Variants in PARVA observed in about 807,000 individuals in gnomAD.
The protein encoded by PARVA is parvin alpha, also known as alpha-parvin.
Under a neutral mutation model 52.6 loss-of-function variants are expected in PARVA, and 25 were observed. That is an observed-to-expected ratio of 0.48 (90% CI 0.35 to 0.66). The LOEUF is 0.66. PARVA is among the 30% of genes least tolerant of loss of function. The pLI, the probability that PARVA is intolerant of heterozygous loss-of-function variation, is 0.01. For synonymous variants in PARVA, 185 were observed against 179.1 expected (o/e 1.03, Z -0.26); for missense variants, 373 against 450.9 (o/e 0.83, Z 1.56).
intron 4 of PARVA, among the ~76,000 whole-genome samples, chr11:12,492,716 T>C (rs1273378778): frequency 6.6e-6 from 1 of 152,112 alleles, no homozygotes. Context: ...CAGAGAATGC[T>C]GAAGACTCAA....
At chr11:12,508,521 T>C (rs1941464005) in intron 6 of PARVA, 63 bp from the exon 7 acceptor site, 10 of 1,117,150 alleles carry the variant, frequency 9.0e-6, no homozygotes, top group Non-Finnish European at 1.4e-5. Context: ...TCAGTGTTTC[T>C]GTATTTTTCT....
chr11:12,522,372 G>C (rs1941647252), intron 12 of PARVA, among the ~76,000 whole-genome samples: 1 of 150,800 alleles, frequency 6.6e-6, no homozygotes, highest in Admixed American at 6.6e-5. Context: ...CAATGATTTT[G>C]AAGCACTGAA....
At chr11:12,480,469 C>T (rs1941072378) in intron 4 of PARVA, 2 of 152,094 alleles carry the variant, frequency 1.3e-5, no homozygotes, top group South Asian at 4.1e-4. Flanking sequence ...GACATCTAGT[C>T]AGGATCTGAA....
chr11:12,392,558 C>T (rs909288276), intron 1 of PARVA, among the ~76,000 whole-genome samples: 2 of 152,164 alleles, frequency 1.3e-5, no homozygotes, highest in Non-Finnish European at 2.9e-5. Context: ...CATGAGCCAC[C>T]ATACCCTTCA....
At chr11:12,466,809 G>A (rs1940859885) in intron 1 of PARVA, among the ~76,000 whole-genome samples, 1 of 151,940 alleles carries the variant, frequency 6.6e-6, no homozygotes, top group South Asian at 2.1e-4. Context: ...TAGTAGTCTT[G>A]AAGTATGGTA....
At chr11:12,445,637 C>T (rs1176945688) in intron 1 of PARVA, among the ~76,000 whole-genome samples, 1 of 152,126 alleles carries the variant, frequency 6.6e-6, no homozygotes, top group Non-Finnish European at 1.5e-5. Context: ...ATTCTGCCTG[C>T]CCTCGTAAGG....
At chr11:12,524,680 C>G (rs1483228942) in intron 12 of PARVA, among the ~76,000 whole-genome samples, 1 of 152,208 alleles carries the variant, frequency 6.6e-6, no homozygotes. Flanking sequence ...ACCTCCTCGC[C>G]CTCTTGGGAG....
intron 1 of PARVA, among the ~76,000 whole-genome samples, chr11:12,473,156 G>T (rs1409863901): frequency 6.6e-6 from 1 of 152,116 alleles, no homozygotes; most frequent in Non-Finnish European, 1.5e-5. Context: ...CCATCTCAAG[G>T]GATAGGACCA....
At chr11:12,418,148 G>A (rs6485720) in intron 1 of PARVA, among the ~76,000 whole-genome samples, 88,780 of 152,156 alleles carry the variant, frequency 0.58, 26,390 homozygotes, top group African/African-American at 0.7. Flanking sequence ...GAAATTTTCT[G>A]AGGAAATCAG....
rs1941818404 is a variant in PARVA at position 12,535,097 on chromosome 11, T to C, written c.*7172T>C. Among the ~76,000 whole-genome samples, 2 of 152,250 alleles carry C rather than the reference T, an allele frequency of 1.3e-5. No individual in the cohort carries two copies. Among genetic ancestry groups the C allele is most frequent in the Non-Finnish European group, 2.9e-5 (2 of 68,042 alleles). ...CACTTGGGGCAGGGGGTGCATTCTC[T>C]GTGCCTCTCCTGAGTCTACTTTCTG... On this transcript the variant is annotated 3_prime_UTR_variant, in exon 13 of 13. Coordinates refer to ENST00000334956, the MANE Select transcript of PARVA (RefSeq NM_018222.5).
At position 12,517,564 on chromosome 11, in the gene PARVA, G is replaced by A. The variant is rs1215999958; in HGVS notation, c.868-46G>A. ...TGATGGGCCCCCTGGATGGGGATTG[G>A]CTGGGAGGCTCAGGGGCCAGTGCCA... On this transcript the variant is annotated intron_variant, in intron 10 of 12. Transcript: ENST00000334956. 5 of 1,386,910 alleles carry A rather than the reference G, an allele frequency of 3.6e-6. No individual in the cohort carries two copies. The South Asian group carries it at 6.2e-5, about 17-fold the overall frequency. 85.9% of individuals were successfully genotyped at this position (1,386,910 alleles called of 1,614,324 possible).
At chr11:12,446,969 A>G (rs766607830) in intron 1 of PARVA, among the ~76,000 whole-genome samples, 1 of 152,236 alleles carries the variant, frequency 6.6e-6, no homozygotes, top group Non-Finnish European at 1.5e-5. Flanking sequence ...CCCATACAGG[A>G]TGAGTAACTT....
intron 4 of PARVA, among the ~76,000 whole-genome samples, chr11:12,487,724 G>GT (rs1269056872): frequency 2.6e-5 from 4 of 152,108 alleles, no homozygotes; most frequent in African/African-American, 9.7e-5. Flanking sequence ...TTAGATGAAA[G>GT]TTTTTTATTA....
intron 5 of PARVA, among the ~76,000 whole-genome samples, chr11:12,499,628 C>T (rs930173310): frequency 5.3e-5 from 8 of 151,620 alleles, no homozygotes; most frequent in African/African-American, 1.5e-4. Flanking sequence ...CTTTTATTCC[C>T]ATGTTACAGA....
At chr11:12,380,876 T>C (rs760982207) in intron 1 of PARVA, among the ~76,000 whole-genome samples, 2 of 152,230 alleles carry the variant, frequency 1.3e-5, no homozygotes, top group Non-Finnish European at 2.9e-5. Flanking sequence ...GACATTTTTA[T>C]ATTTGTTGCT....
At chr11:12,509,377 C>T (rs941748885) in intron 7 of PARVA, among the ~76,000 whole-genome samples, 2 of 152,198 alleles carry the variant, frequency 1.3e-5, no homozygotes, top group African/African-American at 2.4e-5. Context: ...ACTTACTCAC[C>T]AGGTGAGTCC....
intron 5 of PARVA, among the ~76,000 whole-genome samples, chr11:12,502,251 A>G (rs1443600078): frequency 6.6e-6 from 1 of 152,314 alleles, no homozygotes; most frequent in East Asian, 1.9e-4. Context: ...AGTAGCAGTG[A>G]TAACCAGAAA....
At position 12,473,774 on chromosome 11, in the gene PARVA, G is replaced by A. The variant is rs781396749; in HGVS notation, c.166G>A (p.Ala56Thr). ...CGAGCTGCAGGAGGAGGGAATGAAC[G>A]CCATCAACCTGCCCCTCAGCCCAAT... ...VSELQEEGMNAINLPLSPIPF... is the reference protein window; with the variant it reads ...VSELQEEGMNTINLPLSPIPF... Residue 56 changes from alanine (A) to threonine (T), a missense_variant, in exon 2 of 13, where the codon GCC (alanine) becomes ACC (threonine). Physicochemically the swap from Ala to Thr is moderately conservative, Grantham distance 58 (BLOSUM62 0). Coordinates refer to ENST00000334956, the MANE Select transcript of PARVA (RefSeq NM_018222.5). 3.8e-6 allele frequency: 6 copies of A among 1,568,872 alleles called. No individual in the cohort carries two copies. The highest frequency in any genetic ancestry group is 3.5e-5 in the South Asian group (3 of 85,106).
chr11:12,407,851 A>G (rs998471388), intron 1 of PARVA, among the ~76,000 whole-genome samples: 2 of 152,190 alleles, frequency 1.3e-5, no homozygotes, highest in Non-Finnish European at 2.9e-5. Flanking sequence ...GCACCTCATA[A>G]GGAGTAGGTC....
Sources: allele counts gnomAD v4.1 joint callset (sites outside exome capture counted in the v4.1 genomes callset), GRCh38; gene constraint gnomAD v4.1.1; transcripts MANE v1.5; gene names NCBI Gene and HGNC (gene_info 2026-07-23, HGNC 2026-07-21).